Variants in KARS1 observed in about 807,000 individuals in gnomAD.
KARS1 encodes the protein lysine--tRNA ligase.
KARS1 carries 50 observed loss-of-function variants against 63.9 expected under a neutral mutation model. The ratio of observed to expected loss-of-function variants is 0.78; its 90% CI spans 0.62 to 0.99. The LOEUF (loss-of-function observed/expected upper bound fraction) is 0.99. Ranked by LOEUF, KARS1 falls within the 50% of genes least tolerant of loss-of-function variation. The pLI is 0.00. For missense variants in KARS1, 816 were observed against 754.5 expected (o/e 1.08, Z -0.95); for synonymous variants, 320 against 264.6 (o/e 1.21, Z -2.03).
intron 3 of KARS1, among the ~76,000 whole-genome samples, chr16:75,638,179 G>C (rs1196357266): frequency 6.6e-6 from 1 of 150,542 alleles, no homozygotes; most frequent in African/African-American, 2.4e-5. Context: ...CAAAATAAAA[G>C]CACTCAAGAC....
At chr16:75,644,216 G>T in intron 1 of KARS1, 1 of 1,454,880 alleles carries the variant, frequency 6.9e-7, no homozygotes, top group South Asian at 1.2e-5. Flanking sequence ...GAGGCTTAAC[G>T]GAAAATGAAC....
At position 75,634,427 on chromosome 16, in the gene KARS1, G is replaced by A. The variant is rs4888442; in HGVS notation, c.796-135C>T. 0.12 allele frequency: 106,416 copies of A among 870,792 alleles called. 18,193 individuals carry two copies. The highest frequency in any genetic ancestry group is 0.73 in the East Asian group (27,126 of 36,992). 53.9% of individuals were successfully genotyped at this position (870,792 alleles called of 1,614,324 possible). On this transcript the variant is annotated intron_variant, in intron 6 of 13. Transcript: ENST00000302445. ...TAATAAGTTCAACAGTAATGTGCAA[G>A]TGCTTGACAAAAAAGGACACTATGA...
chr16:75,633,999 A>C (rs1180062320), intron 7 of KARS1, 174 bp downstream of exon 7: 4 of 746,784 alleles, frequency 5.4e-6, no homozygotes, highest in Non-Finnish European at 9.6e-6. Context: ...TGCTCTATTA[A>C]TCTTGTAGAG....
In KARS1 at chr16:75,641,659, G is replaced by T. The variant is rs202175121; in HGVS notation, c.127C>A (p.Leu43Ile). The part of the protein sequence containing the change: ...VAEKEAKQKE[L>I]SEKQLSQATA... ...GCTTGGCTTAGCTGTTTCTCACTGAGCTCTTTCTGTTTGGCCTCCTTCTCT... is the reference window on the plus strand; with the variant it reads ...GCTTGGCTTAGCTGTTTCTCACTGATCTCTTTCTGTTTGGCCTCCTTCTCT... The change falls in exon 2 of 14, where the codon CTC becomes ATC. Residue 43 changes from leucine (L) to isoleucine (I), a missense_variant. Physicochemically the swap from Leu to Ile is conservative, Grantham distance 5. Transcript: ENST00000302445. 1.2e-6 allele frequency: 2 copies of T among 1,613,730 alleles called. No homozygotes were observed. The highest frequency in any genetic ancestry group is 3.3e-5 in the Admixed American group (2 of 60,006).
At chr16:75,644,778 A>G (rs942604274) in intron 1 of KARS1, among the ~76,000 whole-genome samples, 13 of 152,230 alleles carry the variant, frequency 8.5e-5, no homozygotes, top group African/African-American at 2.9e-4. Flanking sequence ...CACTTTCTGA[A>G]GCCCTGAAGT....
In KARS1 at chr16:75,628,636, G is replaced by T; in HGVS notation, c.1628C>A (p.Pro543His). Residue 543 changes from proline to histidine, a missense_variant, in exon 13 of 14, where the codon CCC (proline) becomes CAC (histidine). By Grantham distance (77) the Pro-to-His change is moderately conservative (BLOSUM62 -2). Transcript: ENST00000302445. The stretch of plus-strand genomic sequence containing the variant: ...AATGCCCATGCCCCAGCCAGCTGTG[G>T]GGGGCAGCCCATATTCCAGGGCAGT... ...FCTALEYGLP[P>H]TAGWGMGIDR... 1 of 1,614,096 alleles carries T rather than the reference G, an allele frequency of 6.2e-7. No homozygotes were observed. Among genetic ancestry groups the T allele is most frequent in the Non-Finnish European group, 8.5e-7 (1 of 1,179,954 alleles).
chr16:75,631,556 A>C lies in KARS1; in HGVS notation c.1112T>G (p.Val371Gly), dbSNP rs778629157. 18 of 1,613,992 alleles carry C rather than the reference A, an allele frequency of 1.1e-5. 1 individual carries two copies. The South Asian group carries it at 1.8e-4, about 16-fold the overall frequency. Residue 371 changes from valine (V) to glycine (G), a missense_variant, in exon 9 of 14, where the codon GTC becomes GGC. Physicochemically the swap from Val to Gly is moderately radical, Grantham distance 109 (BLOSUM62 -3). Coordinates refer to ENST00000302445, the MANE Select transcript of KARS1 (RefSeq NM_005548.3). ...MVKHITGSYK[V>G]TYHPDGPEGQ... Reference sequence around the variant, plus strand: ...CTCTGGGCCATCTGGGTGGTAGGTGACCTTGTAACTGCCTGTAATATGCTT... The same window carrying C: ...CTCTGGGCCATCTGGGTGGTAGGTGCCCTTGTAACTGCCTGTAATATGCTT...
In KARS1 at chr16:75,636,560, G is replaced by C. The variant is rs779863411; in HGVS notation, c.389-13C>G. ...GCATGGATCCTACCTAGAAAAAGAA[G>C]AGCAAAAATACTGACTGACAGAACC... On this transcript the variant is annotated splice_polypyrimidine_tract_variant and intron_variant, in intron 3 of 13. Transcript: ENST00000302445. 1 of 1,512,792 alleles carries C rather than the reference G, an allele frequency of 6.6e-7. No individual in the cohort carries two copies. Among genetic ancestry groups the C allele is most frequent in the Non-Finnish European group, 9.2e-7 (1 of 1,089,060 alleles). 93.7% of individuals were successfully genotyped at this position (1,512,792 alleles called of 1,614,324 possible).
At chr16:75,647,529 C>G (rs777958490) in intron 1 of KARS1, 49 bp downstream of exon 1, 1 of 1,572,660 alleles carries the variant, frequency 6.4e-7, no homozygotes, top group African/African-American at 1.4e-5. Flanking sequence ...CGCTTCCCAG[C>G]CCAGACTCTC....
At chr16:75,633,957 G>C in intron 7 of KARS1, 3 of 575,146 alleles carry the variant, frequency 5.2e-6, no homozygotes, top group Non-Finnish European at 9.6e-6. Flanking sequence ...GTATACATGG[G>C]AAAGACAACC....
intron 12 of KARS1, 142 bp downstream of exon 12, chr16:75,629,273 A>T: frequency 1.0e-6 from 1 of 985,426 alleles, no homozygotes; most frequent in Non-Finnish European, 1.6e-6. Context: ...CACCATCTTG[A>T]AATGTGACTC....
chr16:75,641,723 A>C lies in KARS1; in HGVS notation c.63T>G (p.Asn21Lys). Residue 21 changes from asparagine to lysine, a missense_variant and splice_region_variant, in exon 2 of 14, where the codon AAT becomes AAG. Coordinates refer to ENST00000302445, the MANE Select transcript of KARS1 (RefSeq NM_005548.3). ...VDGSEPKLSKNELKRRLKAEK... is the reference protein window; with the variant it reads ...VDGSEPKLSKKELKRRLKAEK... ...CAGCTTTCAGGCGTCTCTTCAGCTC[A>C]CTGTTGGAAAGATGAAAGCGTTCAA... 3 of 1,613,660 alleles carry C rather than the reference A, an allele frequency of 1.9e-6. No individual in the cohort carries two copies. The East Asian group carries it at 6.7e-5, about 36-fold the overall frequency.
chr16:75,630,961 C>T (rs754020493), intron 10 of KARS1, among the ~76,000 whole-genome samples: 3 of 152,046 alleles, frequency 2.0e-5, no homozygotes, highest in African/African-American at 7.2e-5. Flanking sequence ...AAAAGCTGGA[C>T]GGGATTAACT....
At chr16:75,639,698 C>G (rs1335063700) in intron 3 of KARS1, 1 of 158,396 alleles carries the variant, frequency 6.3e-6, no homozygotes, top group Non-Finnish European at 1.4e-5. Context: ...AAAACCTTCT[C>G]TCTGTGCTTC....
rs757777964 is a variant in KARS1, at chr16:75,636,440, G to A, written c.482+14C>T. ...CCAACCAAGAAAGGTCTATAACTGG[G>A]TATTTCGAGATACCTGGAATTGGCC... On this transcript the variant is annotated intron_variant, in intron 4 of 13. Coordinates refer to ENST00000302445, the MANE Select transcript of KARS1 (RefSeq NM_005548.3). 1 of 1,538,900 alleles carries A rather than the reference G, an allele frequency of 6.5e-7. No individual in the cohort carries two copies. The highest frequency in any genetic ancestry group is 1.4e-5 in the African/African-American group (1 of 73,350).
chr16:75,647,315 C>G (rs1160896887), intron 1 of KARS1: 1 of 594,140 alleles, frequency 1.7e-6, no homozygotes, highest in Non-Finnish European at 3.0e-6. Flanking sequence ...AGTTCTCGTC[C>G]TAGTTCCTCC....
intron 1 of KARS1, among the ~76,000 whole-genome samples, chr16:75,643,564 G>C (rs2151811836): frequency 6.6e-6 from 1 of 152,118 alleles, no homozygotes; most frequent in African/African-American, 2.4e-5. Context: ...TATTTTTAGT[G>C]AAGATGGGGT....
intron 3 of KARS1, among the ~76,000 whole-genome samples, chr16:75,637,477 T>G (rs58996069): frequency 0.13 from 20,432 of 151,718 alleles, 2,992 homozygotes; most frequent in African/African-American, 0.37. Flanking sequence ...AGGGTTGCAT[T>G]AAGAAGATCT....
chr16:75,635,425 A>G, intron 6 of KARS1: 2 of 428,708 alleles, frequency 4.7e-6, no homozygotes, highest in East Asian at 9.1e-5. Flanking sequence ...AAAAAAGCAA[A>G]ATGACGTGAA....
Sources: gnomAD v4.1 joint callset for allele counts (sites outside exome capture counted in the v4.1 genomes callset) on GRCh38, gnomAD v4.1.1 for gene constraint, MANE v1.5 for transcripts, NCBI Gene and HGNC (gene_info 2026-07-23, HGNC 2026-07-21) for gene names.